SGCD: variants seen among roughly 807,000 people sequenced by gnomAD.
SGCD encodes sarcoglycan delta.
In SGCD, 18 loss-of-function variants were observed where a neutral mutation model predicts 36.6. That is an observed-to-expected ratio of 0.49 (90% CI 0.34 to 0.73). The LOEUF is 0.73. Ranked by LOEUF, SGCD falls within the 30% of genes least tolerant of loss-of-function variation. The probability of loss-of-function intolerance (pLI) is 0.01; values close to 1 mark genes in which losing one functional copy is unlikely to be tolerated. For missense variants in SGCD, 387 were observed against 346.7 expected, an observed-to-expected ratio of 1.12 and a Z score of -0.92; for synonymous variants, 133 against 130.6, an observed-to-expected ratio of 1.02 and a Z score of -0.12.
intron 3 of SGCD, among the ~76,000 whole-genome samples, chr5:156,175,855 G>T (rs1835922): frequency 0.37 from 56,403 of 151,580 alleles, 11,962 homozygotes; most frequent in East Asian, 0.59. Context: ...ACAAAATTAC[G>T]GTACCCTAAA....
chr5:156,736,435 A>T (rs1004010585), intron 7 of SGCD, among the ~76,000 whole-genome samples: 1 of 152,220 alleles, frequency 6.6e-6, no homozygotes, highest in Non-Finnish European at 1.5e-5. Context: ...GATATTGTAT[A>T]TGGTACAACA....
At chr5:156,133,222 G>GT (rs1307197754) in intron 3 of SGCD, among the ~76,000 whole-genome samples, 1 of 152,190 alleles carries the variant, frequency 6.6e-6, no homozygotes, top group Non-Finnish European at 1.5e-5. Flanking sequence ...GTGACAAACT[G>GT]TAAGTGTTGA....
chr5:155,775,371 A>T, the SGCD span, among the ~76,000 whole-genome samples: 3 of 152,096 alleles, frequency 2.0e-5, no homozygotes, highest in Middle Eastern at 3.2e-3. Flanking sequence ...GATGCTTTGC[A>T]TGTATTAACT....
intron 3 of SGCD, among the ~76,000 whole-genome samples, chr5:156,271,174 A>T (rs999309309): frequency 6.6e-6 from 1 of 152,188 alleles, no homozygotes; most frequent in Non-Finnish European, 1.5e-5. Context: ...GAAAAAGGTA[A>T]TTCTATTTCC....
chr5:156,733,465 T>C (rs916266539), intron 7 of SGCD, among the ~76,000 whole-genome samples: 4 of 152,092 alleles, frequency 2.6e-5, no homozygotes, highest in Non-Finnish European at 4.4e-5. Flanking sequence ...GTAACTGCCA[T>C]GTGGCAATGA....
chr5:156,048,753 T>A (rs1457574435), intron 1 of SGCD, among the ~76,000 whole-genome samples: 2 of 152,028 alleles, frequency 1.3e-5, no homozygotes, highest in Non-Finnish European at 2.9e-5. Context: ...GATTGCAAAA[T>A]TTTTCTCCCA....
the SGCD span, among the ~76,000 whole-genome samples, chr5:155,835,196 C>T: frequency 2.6e-5 from 4 of 151,604 alleles, no homozygotes; most frequent in Non-Finnish European, 4.4e-5. Context: ...TTAGTAGAGA[C>T]AGGGTTTTGC....
Position 156,406,712 on chromosome 5 carries a change from G to A in SGCD, c.192+62035G>A, listed in dbSNP as rs148027246. ...TAGACATTATCTCTGTTTTTACAGA[G>A]GATGAAGCTAAGGTTTAAGGAAGTT... On this transcript the variant is annotated intron_variant, in intron 3 of 8. Coordinates refer to ENST00000337851, the MANE Select transcript of SGCD (RefSeq NM_000337.6). 9.4e-3 allele frequency among the ~76,000 whole-genome samples: 1,417 copies of A among 149,994 alleles called. 9 individuals carry two copies. The highest frequency in any genetic ancestry group is 0.024 in the Middle Eastern group (7 of 294).
At chr5:155,892,050 T>A (rs910594536) in intron 1 of SGCD, among the ~76,000 whole-genome samples, 1 of 152,220 alleles carries the variant, frequency 6.6e-6, no homozygotes, top group Non-Finnish European at 1.5e-5. Context: ...TGGTCATTGC[T>A]GATTTTGAAT....
chr5:155,747,533 C>T, the SGCD span, among the ~76,000 whole-genome samples: 27 of 152,266 alleles, frequency 1.8e-4, no homozygotes, highest in East Asian at 1.2e-3. Context: ...TTTATTCTCA[C>T]TTATGAAGTC....
chr5:155,908,513 T>C (rs535772047), intron 1 of SGCD, among the ~76,000 whole-genome samples: 2 of 152,130 alleles, frequency 1.3e-5, no homozygotes, highest in African/African-American at 2.4e-5. Flanking sequence ...GATGAAGACA[T>C]TGAGAGTCTA....
chr5:156,422,388 A>G (rs1773354080), intron 3 of SGCD, among the ~76,000 whole-genome samples: 1 of 151,982 alleles, frequency 6.6e-6, no homozygotes, highest in Non-Finnish European at 1.5e-5. Flanking sequence ...ACGTCAAAGA[A>G]AAGCCTGTAG....
At chr5:156,749,908 T>C (rs1395349011) in intron 7 of SGCD, among the ~76,000 whole-genome samples, 5 of 152,156 alleles carry the variant, frequency 3.3e-5, no homozygotes, top group African/African-American at 1.2e-4. Context: ...GACATTGGTA[T>C]TACAAGAAAG....
At chr5:156,649,883 C>T (rs1198640577) in intron 7 of SGCD, among the ~76,000 whole-genome samples, 1 of 151,826 alleles carries the variant, frequency 6.6e-6, no homozygotes. Flanking sequence ...TTTTAAAAAG[C>T]AGGACTCTAA....
intron 3 of SGCD, among the ~76,000 whole-genome samples, chr5:156,444,975 C>T (rs1753700190): frequency 6.6e-6 from 1 of 152,142 alleles, no homozygotes; most frequent in African/African-American, 2.4e-5. Flanking sequence ...ACCACTTTTA[C>T]ATTAACTAGG....
the SGCD span, among the ~76,000 whole-genome samples, chr5:155,861,305 A>G: frequency 6.6e-6 from 1 of 152,172 alleles, no homozygotes; most frequent in South Asian, 2.1e-4. Flanking sequence ...ATGTTTCACT[A>G]TATTATTATT....
At chr5:156,074,384 C>T (rs928151788) in intron 1 of SGCD, among the ~76,000 whole-genome samples, 1 of 151,648 alleles carries the variant, frequency 6.6e-6, no homozygotes, top group South Asian at 2.1e-4. Context: ...ATCAAAATCT[C>T]AAAAATATAA....
intron 4 of SGCD, among the ~76,000 whole-genome samples, chr5:156,586,112 C>T (rs146369284): frequency 3.5e-4 from 53 of 151,476 alleles, no homozygotes; most frequent in African/African-American, 9.2e-4. Context: ...GATTGTATCC[C>T]GGAAACCACC....
At chr5:156,474,302 C>A (rs1755089969) in intron 3 of SGCD, among the ~76,000 whole-genome samples, 2 of 152,210 alleles carry the variant, frequency 1.3e-5, no homozygotes, top group Non-Finnish European at 2.9e-5. Flanking sequence ...AGATACTCCT[C>A]AGAGTGATTC....
Sources: gnomAD v4.1 joint callset for allele counts (sites outside exome capture counted in the v4.1 genomes callset) on GRCh38, gnomAD v4.1.1 for gene constraint, MANE v1.5 for transcripts, NCBI Gene and HGNC (gene_info 2026-07-23, HGNC 2026-07-21) for gene names.